DSCAM: variants seen among roughly 807,000 people sequenced by gnomAD.
DSCAM encodes cell adhesion molecule DSCAM.
In DSCAM, 47 loss-of-function variants were observed where a neutral mutation model predicts 217.7. The observed-to-expected ratio is 0.22, with a 90% confidence interval of 0.17 to 0.28. The LOEUF (loss-of-function observed/expected upper bound fraction) is 0.28, where lower values mean the gene tolerates loss of function less well. DSCAM is among the 10% of genes least tolerant of loss of function. DSCAM has a pLI of 1.00. For missense variants in DSCAM, 2,080 were observed against 2,618.3 expected, an observed-to-expected ratio of 0.79 and a Z score of 4.49; for synonymous variants, 1,056 against 1,015.3, an observed-to-expected ratio of 1.04 and a Z score of -0.76.
chr21:40,258,419 G>T (rs1328317978), intron 11 of DSCAM, among the ~76,000 whole-genome samples: 1 of 152,204 alleles, frequency 6.6e-6, no homozygotes, highest in African/African-American at 2.4e-5. Flanking sequence ...AAACCATAAA[G>T]TGAAATATGA....
chr21:40,711,894 C>A (rs2090784299), intron 1 of DSCAM, among the ~76,000 whole-genome samples: 2 of 152,184 alleles, frequency 1.3e-5, no homozygotes, highest in African/African-American at 4.8e-5. Flanking sequence ...CTTCTGCATG[C>A]AACTCTTCCT....
At chr21:40,465,641 C>A (rs977469550) in intron 3 of DSCAM, among the ~76,000 whole-genome samples, 2 of 152,190 alleles carry the variant, frequency 1.3e-5, no homozygotes, top group Non-Finnish European at 2.9e-5. Flanking sequence ...TTTCTTAAAA[C>A]ATGAGACATT....
At chr21:40,255,993 C>A (rs1010900557) in intron 11 of DSCAM, among the ~76,000 whole-genome samples, 2 of 152,198 alleles carry the variant, frequency 1.3e-5, no homozygotes, top group Non-Finnish European at 2.9e-5. Flanking sequence ...GCCCAACCTG[C>A]AAAACTCTGG....
At chr21:40,205,048 T>A (rs563697494) in intron 11 of DSCAM, among the ~76,000 whole-genome samples, 2 of 152,234 alleles carry the variant, frequency 1.3e-5, no homozygotes, top group Non-Finnish European at 2.9e-5. Flanking sequence ...GAGCAAGGAA[T>A]TGTTGGCAAA....
In DSCAM at chr21:40,440,923, G is replaced by A. The variant is rs75567927; in HGVS notation, c.509-71678C>T. 2.4e-4 allele frequency among the ~76,000 whole-genome samples: 37 copies of A among 152,186 alleles called. No individual in the cohort carries two copies. In the East Asian group the frequency reaches 6.4e-3, roughly 26 times the overall value. On this transcript the variant is annotated intron_variant, in intron 3 of 32. Coordinates refer to ENST00000400454, the MANE Select transcript of DSCAM (RefSeq NM_001389.5). ...AGTTATCATCAATGTTATTAGAATG[G>A]ACCACCTGGAGCTTTGAGGACACTC...
intron 11 of DSCAM, among the ~76,000 whole-genome samples, chr21:40,224,643 C>CA (rs1244804586): frequency 3.3e-5 from 5 of 152,036 alleles, no homozygotes; most frequent in Non-Finnish European, 7.4e-5. Context: ...CACAAATGAG[C>CA]AAAAATCAAC....
At chr21:40,571,724 G>A (rs964105262) in intron 3 of DSCAM, among the ~76,000 whole-genome samples, 1 of 152,170 alleles carries the variant, frequency 6.6e-6, no homozygotes, top group Non-Finnish European at 1.5e-5. Flanking sequence ...ATTAAAGGTT[G>A]AGCATCCCCA....
intron 1 of DSCAM, among the ~76,000 whole-genome samples, chr21:40,825,008 C>G (rs1184572418): frequency 6.6e-6 from 1 of 152,194 alleles, no homozygotes; most frequent in Non-Finnish European, 1.5e-5. Flanking sequence ...TGGGTACACC[C>G]TTTTAGAAGC....
chr21:40,097,409 A>G (rs1476792456), intron 20 of DSCAM, among the ~76,000 whole-genome samples: 1 of 152,156 alleles, frequency 6.6e-6, no homozygotes, highest in Admixed American at 6.5e-5. Context: ...AAGCTAATGA[A>G]CTAATAAGAT....
chr21:40,376,707 T>C (rs1474494146), intron 3 of DSCAM, among the ~76,000 whole-genome samples: 2 of 147,070 alleles, frequency 1.4e-5, no homozygotes, highest in Non-Finnish European at 3.0e-5. Context: ...ATATCTTATA[T>C]AGATATCTAT....
intron 3 of DSCAM, among the ~76,000 whole-genome samples, chr21:40,576,842 C>A (rs1395234611): frequency 6.6e-6 from 1 of 151,946 alleles, no homozygotes; most frequent in Non-Finnish European, 1.5e-5. Flanking sequence ...ATAAAAAGGG[C>A]TAAGATCACG....
rs769658256 is a variant in DSCAM at position 40,178,988 on chromosome 21, G to A, written c.2886C>T (p.Ala962=). Residue 962 remains alanine, a synonymous_variant, in exon 15 of 33, where the codon GCC becomes GCT. Coordinates refer to ENST00000400454, the MANE Select transcript of DSCAM (RefSeq NM_001389.5). ...GCTCGCTCTTGCCAATCCGGTTCTT[G>A]GCGTACATGCGGATGCTGTAGGTGG... ...PSSTYSIRMY[A]KNRIGKSEPS... is the part of the protein sequence containing the mutation. The A allele has an allele frequency of 3.1e-6, 5 of 1,614,070 alleles. No individual in the cohort carries two copies. The Admixed American group carries it at 8.3e-5, about 27-fold the overall frequency.
intron 3 of DSCAM, among the ~76,000 whole-genome samples, chr21:40,683,509 G>A (rs1374619314): frequency 1.3e-5 from 2 of 152,104 alleles, no homozygotes; most frequent in Non-Finnish European, 2.9e-5. Flanking sequence ...CAAAGGGAAA[G>A]GTTTCTTTAA....
At chr21:40,598,506 T>TG (rs2077038822) in intron 3 of DSCAM, among the ~76,000 whole-genome samples, 1 of 135,872 alleles carries the variant, frequency 7.4e-6, no homozygotes, top group South Asian at 2.6e-4. Flanking sequence ...TGTTTTTTTT[T>TG]TTTTTTTTTT....
chr21:40,652,668 G>A (rs1290338105), intron 3 of DSCAM, among the ~76,000 whole-genome samples: 1 of 152,124 alleles, frequency 6.6e-6, no homozygotes, highest in Non-Finnish European at 1.5e-5. Context: ...ACAGGCTTAG[G>A]GGGTCCAAAT....
intron 12 of DSCAM, among the ~76,000 whole-genome samples, chr21:40,188,389 C>G (rs978779230): frequency 4.6e-5 from 7 of 152,136 alleles, no homozygotes; most frequent in African/African-American, 1.4e-4. Flanking sequence ...TTAAATACTG[C>G]AGGCAGGGCT....
At chr21:40,188,155 A>G (rs1444580784) in intron 12 of DSCAM, among the ~76,000 whole-genome samples, 168 bp from the exon 13 acceptor site, 1 of 152,068 alleles carries the variant, frequency 6.6e-6, no homozygotes, top group Admixed American at 6.6e-5. Context: ...CTCCAGACTC[A>G]CATACTAAAT....
intron 32 of DSCAM, among the ~76,000 whole-genome samples, chr21:40,040,190 T>C (rs1353230008): frequency 6.6e-6 from 1 of 152,206 alleles, no homozygotes; most frequent in Non-Finnish European, 1.5e-5. Context: ...TTGTGGACAT[T>C]TGAACTTGCA....
chr21:40,477,769 A>G (rs2075949617), intron 3 of DSCAM, among the ~76,000 whole-genome samples: 1 of 152,186 alleles, frequency 6.6e-6, no homozygotes, highest in African/African-American at 2.4e-5. Context: ...TTTCATTTAA[A>G]TTGTTAACAT....
Sources: allele counts gnomAD v4.1 joint callset (sites outside exome capture counted in the v4.1 genomes callset), GRCh38; gene constraint gnomAD v4.1.1; transcripts MANE v1.5; gene names NCBI Gene and HGNC (gene_info 2026-07-23, HGNC 2026-07-21).